Variants in RBM25 observed in about 807,000 individuals in gnomAD.
RBM25 encodes RNA-binding protein 25.
In RBM25, 19 loss-of-function variants were observed where a neutral mutation model predicts 120.7. The ratio of observed to expected loss-of-function variants is 0.16; its 90% CI spans 0.11 to 0.23. RBM25 has a LOEUF of 0.23. RBM25 is among the 10% of genes least tolerant of loss of function. The pLI is 1.00. For missense variants in RBM25, 605 were observed against 1,041.5 expected (o/e 0.58, Z 5.77); for synonymous variants, 390 against 326.7 (o/e 1.19, Z -2.09).
chr14:73,115,096 T>G (rs1330600399), intron 18 of RBM25, among the ~76,000 whole-genome samples: 1 of 152,042 alleles, frequency 6.6e-6, no homozygotes, highest in African/African-American at 2.4e-5. Flanking sequence ...ATAGAACATC[T>G]GATGGCATTG....
At chr14:73,110,243 C>A (rs1367337901) in intron 14 of RBM25, among the ~76,000 whole-genome samples, 1 of 148,914 alleles carries the variant, frequency 6.7e-6, no homozygotes, top group South Asian at 2.1e-4. Context: ...AGTGCAGTAG[C>A]GGAATCTCTG....
intron 17 of RBM25, among the ~76,000 whole-genome samples, chr14:73,113,697 TAAAAAA>T (rs1023467436): frequency 1.3e-5 from 2 of 149,864 alleles, no homozygotes; most frequent in African/African-American, 4.9e-5. Context: ...TGTCTCAAAA[TAAAAAA>T]AAAGAAAAAA....
intron 6 of RBM25, among the ~76,000 whole-genome samples, chr14:73,094,565 G>A (rs1009073082): frequency 2.0e-5 from 3 of 150,970 alleles, no homozygotes; most frequent in East Asian, 2.0e-4. Flanking sequence ...CTCCTGCCTC[G>A]GCCTCCCAAG....
rs1566597538 is a variant in RBM25 at position 73,103,984 on chromosome 14, A to ACTCT, written c.1154+507_1154+508insTCTC. Among the ~76,000 whole-genome samples, 5 of 114,854 alleles carry ACTCT rather than the reference A, an allele frequency of 4.4e-5. No homozygotes were observed. In the South Asian group the frequency reaches 1.4e-3, roughly 33 times the overall value. 75.3% of individuals were successfully genotyped at this position (114,854 alleles called of 152,430 possible). A position where few individuals can be genotyped will look rare whatever the true frequency, so the allele number is the denominator to read the frequency against. On this transcript the variant is annotated intron_variant, in intron 10 of 18. Coordinates refer to ENST00000261973, the MANE Select transcript of RBM25 (RefSeq NM_021239.3). ...CACACACACACACACACACACACACACACACACACACTCTCTCTCTCTCTC... is the reference window on the plus strand; with the variant it reads ...CACACACACACACACACACACACACACTCTCACACACACACTCTCTCTCTCTCTC...
In RBM25 at chr14:73,122,657, T is replaced by C. The variant is rs1264131226; in HGVS notation, c.*2852T>C. 1 of 152,184 alleles carries C rather than the reference T, an allele frequency of 6.6e-6. No homozygotes were observed. The highest frequency in any genetic ancestry group is 1.5e-5 in the Non-Finnish European group (1 of 68,032). The allele number at this position is 152,184 out of a possible 1,614,324, so 9.4% of individuals were successfully genotyped here. ...ACTTTTCTTTATTTGTCCCTAAAAA[T>C]AAAGTATGTACATCTGTTCACAAGG... On this transcript the variant is annotated 3_prime_UTR_variant, in exon 19 of 19. Coordinates refer to ENST00000261973, the MANE Select transcript of RBM25 (RefSeq NM_021239.3).
intron 17 of RBM25, among the ~76,000 whole-genome samples, chr14:73,113,036 G>T (rs1247122940): frequency 6.6e-6 from 1 of 151,868 alleles, no homozygotes; most frequent in Non-Finnish European, 1.5e-5. Context: ...ATAACGTGCA[G>T]GTTTGTTACA....
chr14:73,079,483 A>G (rs922806253), intron 4 of RBM25, among the ~76,000 whole-genome samples: 4 of 150,620 alleles, frequency 2.7e-5, no homozygotes, highest in African/African-American at 7.3e-5. Flanking sequence ...ATCTGCAAAG[A>G]TGTCATTCTT....
chr14:73,110,498 G>T (rs1337406205), intron 14 of RBM25, among the ~76,000 whole-genome samples: 1 of 151,046 alleles, frequency 6.6e-6, no homozygotes, highest in Non-Finnish European at 1.5e-5. Flanking sequence ...GATTCTGCAA[G>T]GCTCACTGCA....
intron 5 of RBM25, among the ~76,000 whole-genome samples, chr14:73,087,135 GATTTT>G (rs1895705875): frequency 6.6e-6 from 1 of 151,942 alleles, no homozygotes; most frequent in Non-Finnish European, 1.5e-5. Flanking sequence ...AGATTTATTT[GATTTT>G]ATTTTCAATT....
intron 6 of RBM25, among the ~76,000 whole-genome samples, chr14:73,089,568 T>A (rs1342833598): frequency 6.6e-6 from 1 of 152,314 alleles, no homozygotes; most frequent in Admixed American, 6.5e-5. Flanking sequence ...TTGGCCAGGC[T>A]GGTCTCGAAC....
intron 1 of RBM25, among the ~76,000 whole-genome samples, chr14:73,066,177 T>TA (rs1418247869): frequency 6.6e-6 from 1 of 152,178 alleles, no homozygotes; most frequent in African/African-American, 2.4e-5. Context: ...TAAAAAGAGA[T>TA]ACCACCCCCA....
intron 6 of RBM25, among the ~76,000 whole-genome samples, chr14:73,096,642 G>A (rs1895947511): frequency 6.6e-6 from 1 of 151,660 alleles, no homozygotes. Context: ...TGAATGGTTT[G>A]CAGATGTGTC....
At chr14:73,097,206 T>TTTTC (rs1895965167) in intron 7 of RBM25, 106 bp downstream of exon 7, 3 of 759,274 alleles carry the variant, frequency 4.0e-6, no homozygotes, top group Non-Finnish European at 5.4e-6. Flanking sequence ...CTTTTTTTTT[T>TTTTC]TTTTTTTTTT....
chr14:73,115,425 A>G (rs116498127), intron 18 of RBM25, among the ~76,000 whole-genome samples: 3,962 of 152,106 alleles, frequency 0.026, 174 homozygotes, highest in African/African-American at 0.092. Context: ...AACATACTGT[A>G]TTTGGTTTTC....
intron 13 of RBM25, among the ~76,000 whole-genome samples, chr14:73,108,893 C>G (rs1566599928): frequency 6.6e-6 from 1 of 152,160 alleles, no homozygotes; most frequent in East Asian, 1.9e-4. Flanking sequence ...AGAACCTCTG[C>G]TTTCTGTTGA....
intron 1 of RBM25, among the ~76,000 whole-genome samples, chr14:73,064,420 A>G (rs1340418797): frequency 6.6e-6 from 1 of 151,312 alleles, no homozygotes; most frequent in African/African-American, 2.4e-5. Flanking sequence ...TTTGAAATGG[A>G]GTCTCGCTCT....
chr14:73,112,396 AT>A (rs1896327183), intron 17 of RBM25, 146 bp downstream of exon 17: 10 of 741,388 alleles, frequency 1.3e-5, no homozygotes, highest in Non-Finnish European at 1.7e-5. Context: ...TTTTAAAGTT[AT>A]TTTTATTTTT....
rs990128991 is a variant in RBM25 at position 73,122,314 on chromosome 14, C to G, written c.*2509C>G. 6.8e-6 allele frequency: 1 copy of G among 146,278 alleles called. No homozygotes were observed. The highest frequency in any genetic ancestry group is 1.5e-5 in the Non-Finnish European group (1 of 66,988). 9.1% of individuals were successfully genotyped at this position (146,278 alleles called of 1,614,324 possible). ...TTTTGAGAGGAAGTTGTGCTTTTGT[C>G]GCCCAGGATGGAGTGCAATGGCGCG... On this transcript the variant is annotated 3_prime_UTR_variant, in exon 19 of 19. Transcript: ENST00000261973.
rs1248339038 is a variant in RBM25, at chr14:73,122,223, C to T, written c.*2418C>T. 6.6e-6 allele frequency: 1 copy of T among 150,510 alleles called. No individual in the cohort carries two copies. The highest frequency in any genetic ancestry group is 1.5e-5 in the Non-Finnish European group (1 of 67,640). The allele number at this position is 150,510 out of a possible 1,614,324, so 9.3% of individuals were successfully genotyped here. On this transcript the variant is annotated 3_prime_UTR_variant, in exon 19 of 19. Transcript: ENST00000261973. ...CCTTATACAGTATGAATTCATTTTG[C>T]CATTTCAAGTTGTTATATAAAGAGC...
Sources: gnomAD v4.1 joint callset for allele counts (sites outside exome capture counted in the v4.1 genomes callset) on GRCh38, gnomAD v4.1.1 for gene constraint, MANE v1.5 for transcripts, NCBI Gene and HGNC (gene_info 2026-07-23, HGNC 2026-07-21) for gene names.